Variants in RPTN observed in about 807,000 individuals in gnomAD.
RPTN encodes the protein repetin.
In RPTN, 4 loss-of-function variants were observed where a neutral mutation model predicts 3.6. That is an observed-to-expected ratio of 1.12 (90% CI 0.55 to 2.55). The LOEUF is 2.55. Ranked by LOEUF, RPTN falls within the 30% of genes most tolerant of loss-of-function variation. RPTN has a pLI of 0.02. For missense variants in RPTN, 860 were observed against 916.7 expected (o/e 0.94, Z 0.80); for synonymous variants, 293 against 319.3 (o/e 0.92, Z 0.88).
Position 152,154,346 on chromosome 1 carries a change from C to T in RPTN, c.*398G>A, listed in dbSNP as rs1322693414. ...GAAATACATTCTCAATCTCTTAAAT[C>T]GAATTAAAGGTGAACTCGACATATA... is the stretch of plus-strand genomic sequence containing the variant. On this transcript the variant is annotated 3_prime_UTR_variant, in exon 3 of 3. Coordinates refer to ENST00000316073, the MANE Select transcript of RPTN (RefSeq NM_001122965.1). 3.3e-5 allele frequency: 7 copies of T among 210,328 alleles called. No homozygotes were observed. Among genetic ancestry groups the T allele is most frequent in the Admixed American group, 2.1e-4 (4 of 19,276 alleles). 13.0% of individuals were successfully genotyped at this position (210,328 alleles called of 1,614,324 possible). A position where few individuals can be genotyped will look rare whatever the true frequency, so the allele number is the denominator to read the frequency against.
rs190102563 is a variant in RPTN at position 152,156,732 on chromosome 1, G to C, written c.367C>G (p.Gln123Glu). The change falls in exon 3 of 3, where the codon CAG (glutamine) becomes GAG (glutamate). Residue 123 changes from glutamine to glutamate, a missense_variant. Transcript: ENST00000316073. ...FPGNTGRQHR[Q>E]RHEEERQNSH... Reference sequence around the variant, plus strand: ...TTCTGCCTTTCTTCCTCGTGCCTCTGTCTGTGTTGTCTGCCTGTGTTTCCT... The same window carrying C: ...TTCTGCCTTTCTTCCTCGTGCCTCTCTCTGTGTTGTCTGCCTGTGTTTCCT... The C allele has an allele frequency of 1.1e-4, 180 of 1,614,206 alleles. No homozygotes were observed. Among genetic ancestry groups the C allele is most frequent in the Admixed American group, 6.0e-4 (36 of 60,026 alleles).
Position 152,155,843 on chromosome 1 carries a change from T to C in RPTN, c.1256A>G (p.Asp419Gly). 6.2e-7 allele frequency: 1 copy of C among 1,610,012 alleles called. No homozygotes were observed. The highest frequency in any genetic ancestry group is 2.2e-5 in the East Asian group (1 of 44,482). Residue 419 changes from aspartate (D) to glycine (G), a missense_variant, in exon 3 of 3, where the codon GAC (aspartate) becomes GGC (glycine). Coordinates refer to ENST00000316073, the MANE Select transcript of RPTN (RefSeq NM_001122965.1). ...QGQSSHYSQM[D>G]RQGQGSHYGQ... ...GTAGTGAGAACCCTGGCCTTGTCGG[T>C]CCATCTGACTGTAGTGGGAACTCTG...
At chr1:152,158,571 T>C (rs765035270) in intron 1 of RPTN, among the ~76,000 whole-genome samples, 2 of 152,184 alleles carry the variant, frequency 1.3e-5, no homozygotes, top group African/African-American at 2.4e-5. Context: ...ATAGGAGGTA[T>C]ATATAATCAG....
Position 152,154,705 on chromosome 1 carries a change from T to C in RPTN, c.*39A>G. The C allele has an allele frequency of 6.2e-7, 1 of 1,606,446 alleles. No individual in the cohort carries two copies. Among genetic ancestry groups the C allele is most frequent in the Non-Finnish European group, 8.5e-7 (1 of 1,175,714 alleles). Reference sequence around the variant, plus strand: ...CCTCATAGTTTTGTCTATTATGTTGTTGCTGATGGTTTTGATCCTCTTCAT... The same window carrying C: ...CCTCATAGTTTTGTCTATTATGTTGCTGCTGATGGTTTTGATCCTCTTCAT... On this transcript the variant is annotated 3_prime_UTR_variant, in exon 3 of 3. Coordinates refer to ENST00000316073, the MANE Select transcript of RPTN (RefSeq NM_001122965.1).
rs774853436 is a variant in RPTN, at chr1:152,155,185, A to C, written c.1914T>G (p.Ser638=). ...GGTGGCCGTTCTGCTGTGAGTCCCT[A>C]GACTGGAATCCCTGTCCCTGGTTTT... The part of the protein sequence containing the change: ...GYQNQGQGFQ[S]RDSQQNGHQV... Residue 638 remains serine, a synonymous_variant, in exon 3 of 3, where the codon TCT becomes TCG. Coordinates refer to ENST00000316073, the MANE Select transcript of RPTN (RefSeq NM_001122965.1). 2.5e-6 allele frequency: 4 copies of C among 1,614,170 alleles called. No homozygotes were observed. In the Admixed American group the frequency reaches 6.7e-5, roughly 27 times the overall value.
rs757761724 is a variant in RPTN at position 152,154,737 on chromosome 1, G to A, written c.*7C>T. 6.2e-7 allele frequency: 1 copy of A among 1,613,384 alleles called. No individual in the cohort carries two copies. The highest frequency in any genetic ancestry group is 2.2e-5 in the East Asian group (1 of 44,860). Reference sequence around the variant, plus strand: ...TGGTTTTGATCCTCTTCATGAGTTTGCCTGTCTCATCTCTGATGGTTCTGC... The same window carrying A: ...TGGTTTTGATCCTCTTCATGAGTTTACCTGTCTCATCTCTGATGGTTCTGC... On this transcript the variant is annotated 3_prime_UTR_variant, in exon 3 of 3. Coordinates refer to ENST00000316073, the MANE Select transcript of RPTN (RefSeq NM_001122965.1).
chr1:152,156,471 C>CT lies in RPTN; in HGVS notation c.627dup (p.Val210SerfsTer11), dbSNP rs750891148. On this transcript the variant is annotated frameshift_variant, in exon 3 of 3. Transcript: ENST00000316073. LOFTEE classifies it low-confidence loss of function (END_TRUNC). ...TGGCCACTGGTAGATTTGTGACTCA[C>CT]TTTTTTACCAGAGCTGGAGTCTTGA... 2.4e-5 allele frequency: 39 copies of CT among 1,614,126 alleles called. No homozygotes were observed. The highest frequency in any genetic ancestry group is 3.1e-5 in the Non-Finnish European group (37 of 1,180,044).
intron 1 of RPTN, 65 bp from the exon 2 acceptor site, chr1:152,157,974 G>A (rs930626163): frequency 7.3e-7 from 1 of 1,371,874 alleles, no homozygotes; most frequent in African/African-American, 1.4e-5. Flanking sequence ...ATTTCCAGAG[G>A]GAAAGTGACC....
Position 152,156,882 on chromosome 1 carries a change from C to T in RPTN, c.217G>A (p.Glu73Lys). The T allele has an allele frequency of 6.2e-7, 1 of 1,614,180 alleles. No individual in the cohort carries two copies. Among genetic ancestry groups the T allele is most frequent in the South Asian group, 1.1e-5 (1 of 91,084 alleles). Residue 73 changes from glutamate to lysine, a missense_variant, in exon 3 of 3, where the codon GAG becomes AAG. Coordinates refer to ENST00000316073, the MANE Select transcript of RPTN (RefSeq NM_001122965.1). ...AACTGGAACACCAACAAGAGGTACT[C>T]ATGAAAATCAATATGTCCATCTCGG... ...QDRDGHIDFH[E>K]YLLLVFQLVQ... is the part of the protein sequence containing the mutation.
Position 152,156,543 on chromosome 1 carries a change from C to T in RPTN, c.556G>A (p.Glu186Lys). Residue 186 changes from glutamate to lysine, a missense_variant, in exon 3 of 3, where the codon GAG becomes AAG. Glu to Lys is a moderately conservative substitution (Grantham distance 56). Coordinates refer to ENST00000316073, the MANE Select transcript of RPTN (RefSeq NM_001122965.1). ...AAGCTGAAATCCTTGTCTTGTCTCT[C>T]AGACTGATTGTGGTGAGAATCTCTG... ...QDRDSHHNQS[E>K]RQDKDFSFDQ... 6.2e-7 allele frequency: 1 copy of T among 1,614,156 alleles called. No individual in the cohort carries two copies. The highest frequency in any genetic ancestry group is 8.5e-7 in the Non-Finnish European group (1 of 1,180,012).
intron 2 of RPTN, among the ~76,000 whole-genome samples, chr1:152,157,429 A>G (rs989747332): frequency 6.6e-6 from 1 of 152,328 alleles, no homozygotes. Flanking sequence ...CACTAAATGA[A>G]TACATTAAAA....
Position 152,155,204 on chromosome 1 carries a change from T to C in RPTN, c.1895A>G (p.Gln632Arg). The C allele has an allele frequency of 6.2e-7, 1 of 1,614,240 alleles. No homozygotes were observed. Among genetic ancestry groups the C allele is most frequent in the Non-Finnish European group, 8.5e-7 (1 of 1,180,040 alleles). Reference protein sequence around the residue: ...QTPGQEGYQNQGQGFQSRDSQ... With the variant: ...QTPGQEGYQNRGQGFQSRDSQ... Reference sequence around the variant, plus strand: ...GTCCCTAGACTGGAATCCCTGTCCCTGGTTTTGGTACCCTTCCTGTCCTGG... The same window carrying C: ...GTCCCTAGACTGGAATCCCTGTCCCCGGTTTTGGTACCCTTCCTGTCCTGG... Residue 632 changes from glutamine to arginine, a missense_variant, in exon 3 of 3, where the codon CAG becomes CGG. Physicochemically the swap from Gln to Arg is conservative, Grantham distance 43. Transcript: ENST00000316073.
Position 152,154,687 on chromosome 1 carries a change from GT to G in RPTN, c.*56del. Reference sequence around the variant, plus strand: ...CTTGATACCTCTCTTTCTCCTCATAGTTTTGTCTATTATGTTGTTGCTGATG... The same window carrying G: ...CTTGATACCTCTCTTTCTCCTCATAGTTTGTCTATTATGTTGTTGCTGATG... On this transcript the variant is annotated 3_prime_UTR_variant, in exon 3 of 3. Coordinates refer to ENST00000316073, the MANE Select transcript of RPTN (RefSeq NM_001122965.1). 3 of 1,584,818 alleles carry G rather than the reference GT, an allele frequency of 1.9e-6. No individual in the cohort carries two copies. Among genetic ancestry groups the G allele is most frequent in the Non-Finnish European group, 2.6e-6 (3 of 1,164,020 alleles).
intron 1 of RPTN, among the ~76,000 whole-genome samples, chr1:152,158,299 C>G (rs1659245737): frequency 6.6e-6 from 1 of 152,140 alleles, no homozygotes; most frequent in Non-Finnish European, 1.5e-5. Flanking sequence ...TAATTTTCGA[C>G]TAACAACTAG....
At position 152,156,588 on chromosome 1, in the gene RPTN, T is replaced by A; in HGVS notation, c.511A>T (p.Ser171Cys). The change falls in exon 3 of 3, where the codon AGT becomes TGT. Residue 171 changes from serine to cysteine, a missense_variant. Transcript: ENST00000316073. ...SEKQDRDSHH[S>C]QPERQDRDSH... Reference sequence around the variant, plus strand: ...TCTCTGTCTTGTCTCTCAGGCTGACTGTGGTGGGAATCTCTGTCTTGTTTC... The same window carrying A: ...TCTCTGTCTTGTCTCTCAGGCTGACAGTGGTGGGAATCTCTGTCTTGTTTC... 2.5e-6 allele frequency: 4 copies of A among 1,600,418 alleles called. No homozygotes were observed. The highest frequency in any genetic ancestry group is 1.7e-5 in the Admixed American group (1 of 57,308).
chr1:152,157,464 G>A (rs966836690), intron 2 of RPTN, among the ~76,000 whole-genome samples: 1 of 151,972 alleles, frequency 6.6e-6, no homozygotes, highest in African/African-American at 2.4e-5. Context: ...ACTAAATATA[G>A]AAATCAAAGT....
chr1:152,154,473 C>A lies in RPTN; in HGVS notation c.*271G>T, dbSNP rs1659150990. 2 of 551,618 alleles carry A rather than the reference C, an allele frequency of 3.6e-6. No homozygotes were observed. The highest frequency in any genetic ancestry group is 3.4e-5 in the Admixed American group (1 of 29,420). 34.2% of individuals were successfully genotyped at this position (551,618 alleles called of 1,614,324 possible). ...ACATAGTCATAGGGGGGGTTGGGAA[C>A]AGTAGCTCCCTTGGCAGGGTGACCA... On this transcript the variant is annotated 3_prime_UTR_variant, in exon 3 of 3. Coordinates refer to ENST00000316073, the MANE Select transcript of RPTN (RefSeq NM_001122965.1).
rs756963635 is a variant in RPTN, at chr1:152,156,361, A to C, written c.738T>G (p.His246Gln). 2 of 1,614,250 alleles carry C rather than the reference A, an allele frequency of 1.2e-6. No homozygotes were observed. The highest frequency in any genetic ancestry group is 1.7e-6 in the Non-Finnish European group (2 of 1,180,048). ...GTCCAAGTGTTTCAGATTGTTGTGTATGTCTTTCAGACTGACCATAATGAG... is the reference window on the plus strand; with the variant it reads ...GTCCAAGTGTTTCAGATTGTTGTGTCTGTCTTTCAGACTGACCATAATGAG... ...QDSHYGQSERHTQQSETLGQA... is the reference protein window; with the variant it reads ...QDSHYGQSERQTQQSETLGQA... Residue 246 changes from histidine to glutamine, a missense_variant, in exon 3 of 3, where the codon CAT becomes CAG. Physicochemically the swap from His to Gln is conservative, Grantham distance 24. Transcript: ENST00000316073.
chr1:152,156,662 T>A lies in RPTN; in HGVS notation c.437A>T (p.His146Leu). ...QPERQDGDSH[H>L]GQPERQDRDS... ...TCTGTCTTGTCTCTCAGGCTGACCA[T>A]GGTGGGAATCTCCGTCTTGTCTCTC... The change falls in exon 3 of 3, where the codon CAT becomes CTT. Residue 146 changes from histidine (H) to leucine (L), a missense_variant. By Grantham distance (99) the His-to-Leu change is moderately conservative (BLOSUM62 -3). Transcript: ENST00000316073. The A allele has an allele frequency of 6.2e-7, 1 of 1,601,704 alleles. No homozygotes were observed. The highest frequency in any genetic ancestry group is 8.5e-7 in the Non-Finnish European group (1 of 1,174,820).
Sources: gnomAD v4.1 joint callset for allele counts (sites outside exome capture counted in the v4.1 genomes callset) on GRCh38, gnomAD v4.1.1 for gene constraint, MANE v1.5 for transcripts, NCBI Gene and HGNC (gene_info 2026-07-23, HGNC 2026-07-21) for gene names.